Variants in SLC6A6 observed in about 807,000 individuals in gnomAD.
SLC6A6 encodes sodium- and chloride-dependent taurine transporter.
In SLC6A6, 16 loss-of-function variants were observed where a neutral mutation model predicts 68.8. That is an observed-to-expected ratio of 0.23 (90% confidence interval 0.16 to 0.35). SLC6A6 has a LOEUF of 0.35. Among genes scored for constraint, SLC6A6 ranks in the 10% least tolerant of loss-of-function variants. SLC6A6 has a pLI of 1.00. For synonymous variants in SLC6A6, 312 were observed against 315.4 expected, an observed-to-expected ratio of 0.99 and a Z score of 0.12; for missense variants, 474 against 802.8, an observed-to-expected ratio of 0.59 and a Z score of 4.95.
intron 13 of SLC6A6, among the ~76,000 whole-genome samples, chr3:14,479,428 C>T (rs1700958109): frequency 6.6e-6 from 1 of 152,156 alleles, no homozygotes; most frequent in Non-Finnish European, 1.5e-5. Flanking sequence ...GCAGAGGAGC[C>T]AGCCTGTGCG....
At chr3:14,456,277 G>A (rs532661232) in intron 5 of SLC6A6, among the ~76,000 whole-genome samples, 31 of 152,374 alleles carry the variant, frequency 2.0e-4, no homozygotes, top group African/African-American at 7.0e-4. Context: ...CACTGATGTC[G>A]CTGTGACCAG....
intron 12 of SLC6A6, chr3:14,478,799 G>A: frequency 1.7e-6 from 1 of 594,820 alleles, no homozygotes; most frequent in Non-Finnish European, 3.0e-6. Flanking sequence ...GGTTGTGCAG[G>A]ACCTGGAATA....
In SLC6A6 at chr3:14,403,764, T is replaced by C. The variant is rs137961969; in HGVS notation, c.-54+917T>C. On this transcript the variant is annotated intron_variant, in intron 1 of 14. Coordinates refer to ENST00000622186, the MANE Select transcript of SLC6A6 (RefSeq NM_003043.6). ...TCCTCTTTTGAGTAGGAGATTCTCG[T>C]CCCCCTCCCACTAGGGAAGCCACAC... Among the ~76,000 whole-genome samples, 657 of 152,234 alleles carry C rather than the reference T, an allele frequency of 4.3e-3. 3 individuals are homozygous for C. The highest frequency in any genetic ancestry group is 7.0e-3 in the Non-Finnish European group (473 of 68,014).
intron 2 of SLC6A6, among the ~76,000 whole-genome samples, chr3:14,435,278 G>A (rs1483941438): frequency 6.6e-6 from 1 of 152,214 alleles, no homozygotes; most frequent in Non-Finnish European, 1.5e-5. Context: ...GGCTGATGAG[G>A]CCGGGGGTGA....
At position 14,485,327 on chromosome 3, in the gene SLC6A6, T is replaced by TA. The variant is rs1323815444; in HGVS notation, c.*321dup. ...AAATTTTTCTTTGTATTTTTTTTTT[T>TA]ACATATAAGTATATATACACTTAGA... On this transcript the variant is annotated 3_prime_UTR_variant, in exon 15 of 15. Transcript: ENST00000622186. 5.1e-6 allele frequency: 1 copy of TA among 197,046 alleles called. No homozygotes were observed. Among genetic ancestry groups the TA allele is most frequent in the African/African-American group, 2.3e-5 (1 of 42,938 alleles). 12.2% of individuals were successfully genotyped at this position (197,046 alleles called of 1,614,324 possible). A position where few individuals can be genotyped will look rare whatever the true frequency, so the allele number is the denominator to read the frequency against.
chr3:14,472,158 C>G lies in SLC6A6; in HGVS notation c.1097-47C>G, dbSNP rs1171040899. 2 of 1,176,812 alleles carry G rather than the reference C, an allele frequency of 1.7e-6. No homozygotes were observed. Among genetic ancestry groups the G allele is most frequent in the East Asian group, 4.7e-5 (2 of 42,554 alleles). The allele number at this position is 1,176,812 out of a possible 1,614,324, so 72.9% of individuals were successfully genotyped here. A position where few individuals can be genotyped will look rare whatever the true frequency, so the allele number is the denominator to read the frequency against. ...CCCAGGGTTCCCAGTGGCTTGGTGGCTGATGTCTCCTCCCCTGTGCCCCTC... is the reference window on the plus strand; with the variant it reads ...CCCAGGGTTCCCAGTGGCTTGGTGGGTGATGTCTCCTCCCCTGTGCCCCTC... On this transcript the variant is annotated intron_variant, in intron 9 of 14. Coordinates refer to ENST00000622186, the MANE Select transcript of SLC6A6 (RefSeq NM_003043.6). The surrounding 1 kb of genome is among the most constrained non-coding windows in gnomAD (Gnocchi z 4.5).
chr3:14,402,666 C>G lies in SLC6A6; in HGVS notation c.-235C>G, dbSNP rs1699009808. 2 of 398,152 alleles carry G rather than the reference C, an allele frequency of 5.0e-6. No homozygotes were observed. The highest frequency in any genetic ancestry group is 4.4e-5 in the Admixed American group (1 of 22,708). 24.7% of individuals were successfully genotyped at this position (398,152 alleles called of 1,614,324 possible). ...CAGGAAGAAGCCGCTTATAAATTAC[C>G]GCTTCCTTCGCGCCGCCGCCAACGC... On this transcript the variant is annotated 5_prime_UTR_variant, in exon 1 of 15. Coordinates refer to ENST00000622186, the MANE Select transcript of SLC6A6 (RefSeq NM_003043.6). This position sits in a 1 kb window ranked among gnomAD's most constrained non-coding sequence, Gnocchi z 4.8.
chr3:14,474,837 G>A lies in SLC6A6; in HGVS notation c.1210-2368G>A, dbSNP rs111530427. Reference sequence around the variant, plus strand: ...TACAGCCCAGAGGCAGAGGCCTCCCGCTGATGTTATTGCGTCCTGGGCAAG... The same window carrying A: ...TACAGCCCAGAGGCAGAGGCCTCCCACTGATGTTATTGCGTCCTGGGCAAG... On this transcript the variant is annotated intron_variant, in intron 10 of 14. Transcript: ENST00000622186. Among the ~76,000 whole-genome samples the A allele has an allele frequency of 5.2e-3, 786 of 152,332 alleles. 7 individuals carry two copies. Among genetic ancestry groups the A allele is most frequent in the African/African-American group, 0.018 (734 of 41,578 alleles).
chr3:14,424,988 G>C (rs1297930748), intron 2 of SLC6A6, among the ~76,000 whole-genome samples: 1 of 152,200 alleles, frequency 6.6e-6, no homozygotes, highest in African/African-American at 2.4e-5. Context: ...GAGCCCAGGG[G>C]TGTTTGTTTC....
At chr3:14,419,543 A>C (rs1699441212) in intron 2 of SLC6A6, among the ~76,000 whole-genome samples, 1 of 152,188 alleles carries the variant, frequency 6.6e-6, no homozygotes, top group African/African-American at 2.4e-5. Flanking sequence ...CCTAGTTCAA[A>C]TCTCTGTTCC....
chr3:14,469,255 C>T (rs894989349), intron 9 of SLC6A6, among the ~76,000 whole-genome samples: 1 of 152,028 alleles, frequency 6.6e-6, no homozygotes, highest in South Asian at 2.1e-4. Flanking sequence ...CATACAACTT[C>T]CCTGGGGCTA....
At chr3:14,474,423 C>G (rs1043333531) in intron 10 of SLC6A6, among the ~76,000 whole-genome samples, 2 of 152,170 alleles carry the variant, frequency 1.3e-5, no homozygotes, top group Non-Finnish European at 2.9e-5. Flanking sequence ...AGTTCAGTGG[C>G]ATTAGTACCT....
chr3:14,457,741 C>G lies in SLC6A6; in HGVS notation c.600-209C>G, dbSNP rs575166633. Among the ~76,000 whole-genome samples, 3 of 152,356 alleles carry G rather than the reference C, an allele frequency of 2.0e-5. No homozygotes were observed. The South Asian group carries it at 6.2e-4, about 32-fold the overall frequency. On this transcript the variant is annotated intron_variant, in intron 5 of 14. Transcript: ENST00000622186. ...AAGTTGAACCTGGGTTTGCCTGAAT[C>G]TGGAGTCTGAGTCTATCCTTTTCTT... is the stretch of plus-strand genomic sequence containing the variant.
Position 14,428,325 on chromosome 3 carries a change from C to T in SLC6A6, c.-12+11872C>T, listed in dbSNP as rs115249291. Among the ~76,000 whole-genome samples the T allele has an allele frequency of 9.8e-3, 1,496 of 152,284 alleles. 15 individuals are homozygous for T. Among genetic ancestry groups the T allele is most frequent in the Non-Finnish European group, 0.014 (941 of 68,022 alleles). ...CCTGTAAGATGATCTGTAAAGCACT[C>T]GGCGGGCATGGTGCCCAAGAGATGC... On this transcript the variant is annotated intron_variant, in intron 2 of 14. Coordinates refer to ENST00000622186, the MANE Select transcript of SLC6A6 (RefSeq NM_003043.6).
chr3:14,479,822 G>T (rs1483712473), intron 13 of SLC6A6, among the ~76,000 whole-genome samples: 1 of 152,224 alleles, frequency 6.6e-6, no homozygotes, highest in Non-Finnish European at 1.5e-5. Context: ...CGCACTCCAG[G>T]GTGCCAGTGA....
intron 1 of SLC6A6, among the ~76,000 whole-genome samples, chr3:14,414,638 A>G (rs1376321201): frequency 6.6e-6 from 1 of 151,652 alleles, no homozygotes; most frequent in Non-Finnish European, 1.5e-5. Flanking sequence ...CAGTCCTCCC[A>G]CCTCAGCCTC....
chr3:14,432,303 G>T (rs535277835), intron 2 of SLC6A6, among the ~76,000 whole-genome samples: 1 of 152,316 alleles, frequency 6.6e-6, no homozygotes, highest in East Asian at 1.9e-4. Flanking sequence ...TGCAGAGCCT[G>T]TTTCAGGCTC....
intron 1 of SLC6A6, among the ~76,000 whole-genome samples, chr3:14,404,062 G>A (rs1699049489): frequency 6.6e-6 from 1 of 152,262 alleles, no homozygotes. Context: ...TGAATGGAGG[G>A]TCTTCGGGCT....
At chr3:14,460,003 C>G (rs2124970107) in intron 6 of SLC6A6, among the ~76,000 whole-genome samples, 1 of 150,988 alleles carries the variant, frequency 6.6e-6, no homozygotes, top group East Asian at 2.0e-4. Context: ...CTCAAACCAT[C>G]CTCCCACCTC....
Sources: allele counts gnomAD v4.1 joint callset (sites outside exome capture counted in the v4.1 genomes callset), GRCh38; gene constraint gnomAD v4.1.1; non-coding constraint Gnocchi (gnomAD v3.1); transcripts MANE v1.5; gene names NCBI Gene and HGNC (gene_info 2026-07-23, HGNC 2026-07-21).